Variants in METTL21A observed in about 807,000 individuals in gnomAD.
The protein encoded by METTL21A is protein N-lysine methyltransferase METTL21A.
Under a neutral mutation model 20.9 loss-of-function variants are expected in METTL21A, and 22 were observed. The ratio of observed to expected loss-of-function variants is 1.05; its 90% CI spans 0.75 to 1.50. The LOEUF is 1.50. Ranked by LOEUF, METTL21A falls within the 40% of genes most tolerant of loss-of-function variation. The pLI, the probability that METTL21A is intolerant of heterozygous loss-of-function variation, is 0.00. For missense variants in METTL21A, 271 were observed against 266.8 expected (o/e 1.02, Z -0.11); for synonymous variants, 93 against 102.0 (o/e 0.91, Z 0.53).
At chr2:207,586,483 A>G (rs1303537104) in intron 3 of METTL21A, among the ~76,000 whole-genome samples, 1 of 152,230 alleles carries the variant, frequency 6.6e-6, no homozygotes, top group Non-Finnish European at 1.5e-5. Flanking sequence ...CATGGGGGAA[A>G]TGCTTCCTGA....
chr2:207,584,109 A>C (rs1359323334), intron 3 of METTL21A, among the ~76,000 whole-genome samples: 1 of 152,256 alleles, frequency 6.6e-6, no homozygotes, highest in Admixed American at 6.5e-5. Flanking sequence ...TAGAGAAATA[A>C]AGTTACTATC....
chr2:207,587,453 C>A (rs2084086383), intron 3 of METTL21A, among the ~76,000 whole-genome samples: 1 of 151,306 alleles, frequency 6.6e-6, no homozygotes, highest in South Asian at 2.1e-4. Flanking sequence ...ACTATATGAT[C>A]TAGCAATCCT....
chr2:207,597,422 C>T, intron 3 of METTL21A: 1 of 245,950 alleles, frequency 4.1e-6, no homozygotes, highest in East Asian at 6.3e-5. Context: ...TCCTTGATTG[C>T]CTTAGGGACA....
intron 3 of METTL21A, among the ~76,000 whole-genome samples, chr2:207,621,516 G>GT (rs2090473755): frequency 1.3e-5 from 2 of 152,144 alleles, no homozygotes; most frequent in African/African-American, 4.8e-5. Context: ...CTTTAAGATC[G>GT]TATTATTGGC....
At chr2:207,625,364 GGGC>G (rs1559138312) in exon 1 of METTL21A, 1 of 152,112 alleles carries the variant, frequency 6.6e-6, no homozygotes, top group African/African-American at 2.4e-5. Context: ...ACGCGGGGGC[GGGC>G]GGCCCCGGCC....
At chr2:207,622,775 T>A (rs1011256599) in intron 2 of METTL21A, among the ~76,000 whole-genome samples, 16 of 152,246 alleles carry the variant, frequency 1.1e-4, no homozygotes, top group African/African-American at 3.6e-4. Flanking sequence ...TTTATGACCC[T>A]ACAGAAAGAA....
intron 3 of METTL21A, among the ~76,000 whole-genome samples, chr2:207,585,416 C>A (rs951142878): frequency 6.6e-6 from 1 of 152,176 alleles, no homozygotes; most frequent in Non-Finnish European, 1.5e-5. Flanking sequence ...GCTAACACTA[C>A]AGCTACATCT....
intron 3 of METTL21A, among the ~76,000 whole-genome samples, chr2:207,615,245 G>A (rs755080693): frequency 2.6e-5 from 4 of 152,108 alleles, no homozygotes; most frequent in East Asian, 3.9e-4. Flanking sequence ...GTCGAGGCAG[G>A]AGCATCACTT....
chr2:207,590,903 A>G (rs529800169), intron 3 of METTL21A, among the ~76,000 whole-genome samples: 56 of 152,294 alleles, frequency 3.7e-4, no homozygotes, highest in African/African-American at 1.2e-3. Flanking sequence ...GCTGTGTCCC[A>G]CAAATTTTGG....
At chr2:207,582,047 G>A (rs1231165975) in exon 4 of METTL21A, 4 of 699,806 alleles carry the variant, frequency 5.7e-6, no homozygotes, top group Non-Finnish European at 7.8e-6. Flanking sequence ...CATAATTGGC[G>A]ATATTAACTT....
At chr2:207,618,613 G>A (rs1413240595) in intron 3 of METTL21A, among the ~76,000 whole-genome samples, 1 of 152,182 alleles carries the variant, frequency 6.6e-6, no homozygotes, top group Admixed American at 6.5e-5. Flanking sequence ...TGAGGCAGGA[G>A]AATCGCTAGA....
intron 3 of METTL21A, among the ~76,000 whole-genome samples, chr2:207,590,362 TAA>T (rs2084794549): frequency 6.6e-6 from 1 of 151,918 alleles, no homozygotes; most frequent in Non-Finnish European, 1.5e-5. Flanking sequence ...CCTTTTTTTT[TAA>T]GTCTGGCTAA....
Position 207,621,931 on chromosome 2 carries a change from C to T in METTL21A, c.148-14G>A, listed in dbSNP as rs762473320. The stretch of plus-strand genomic sequence containing the variant: ...AAGAACGATGGCCTGAATGAAAACA[C>T]AGTGTGATGACGATTAAGGTCAACA... On this transcript the variant is annotated splice_polypyrimidine_tract_variant and intron_variant, in intron 2 of 3. Transcript: ENST00000406927. 1.9e-6 allele frequency: 3 copies of T among 1,609,706 alleles called. No individual in the cohort carries two copies. Among genetic ancestry groups the T allele is most frequent in the Non-Finnish European group, 2.6e-6 (3 of 1,176,060 alleles).
chr2:207,602,106 G>A, intron 3 of METTL21A: 1 of 204,898 alleles, frequency 4.9e-6, no homozygotes, highest in Non-Finnish European at 1.0e-5. Context: ...TTATTGATTA[G>A]TGAATGTAGC....
chr2:207,617,434 G>T (rs562588057), intron 3 of METTL21A, among the ~76,000 whole-genome samples: 1 of 152,296 alleles, frequency 6.6e-6, no homozygotes, highest in South Asian at 2.1e-4. Flanking sequence ...TAAAAGATGA[G>T]GCATGAACCA....
At chr2:207,581,801 A>G (rs1366329743) in exon 4 of METTL21A, 2 of 697,722 alleles carry the variant, frequency 2.9e-6, no homozygotes, top group Non-Finnish European at 5.2e-6. Context: ...TACATAATCC[A>G]GTTTGGGTAC....
chr2:207,582,527 A>G (rs2083099076), intron 3 of METTL21A, among the ~76,000 whole-genome samples: 1 of 152,066 alleles, frequency 6.6e-6, no homozygotes, highest in Admixed American at 6.6e-5. Flanking sequence ...GGCTACTGGG[A>G]TCTTTTATAA....
At chr2:207,582,048 A>G (rs2083031520) in exon 4 of METTL21A, 2 of 700,296 alleles carry the variant, frequency 2.9e-6, no homozygotes, top group Non-Finnish European at 5.2e-6. Flanking sequence ...ATAATTGGCG[A>G]TATTAACTTT....
chr2:207,624,126 C>G, intron 2 of METTL21A, 103 bp downstream of exon 2: 3 of 1,342,832 alleles, frequency 2.2e-6, no homozygotes, highest in Non-Finnish European at 3.0e-6. Flanking sequence ...AAAGTGTATG[C>G]TATGTGAATT....
Sources: gnomAD v4.1 joint callset for allele counts (sites outside exome capture counted in the v4.1 genomes callset) on GRCh38, gnomAD v4.1.1 for gene constraint, MANE v1.5 for transcripts, NCBI Gene and HGNC (gene_info 2026-07-23, HGNC 2026-07-21) for gene names.